Variants in LPIN2 observed in about 807,000 individuals in gnomAD.
The protein encoded by LPIN2 is lipin 2, also known as phosphatidate phosphatase LPIN2.
LPIN2 carries 55 observed loss-of-function variants against 111.4 expected under a neutral mutation model. The ratio of observed to expected loss-of-function variants is 0.49; its 90% confidence interval spans 0.40 to 0.62. The LOEUF (loss-of-function observed/expected upper bound fraction) is 0.62, where lower values mean the gene tolerates loss of function less well. Among genes scored for constraint, LPIN2 ranks in the 20% least tolerant of loss-of-function variants. The probability of loss-of-function intolerance (pLI) is 0.00; values close to 1 mark genes in which losing one functional copy is unlikely to be tolerated. For missense variants in LPIN2, 992 were observed against 1,112.1 expected, an observed-to-expected ratio of 0.89 and a Z score of 1.54; for synonymous variants, 425 against 414.0, an observed-to-expected ratio of 1.03 and a Z score of -0.32.
At chr18:2,980,782 G>T (rs1450305006) in intron 1 of LPIN2, among the ~76,000 whole-genome samples, 1 of 152,134 alleles carries the variant, frequency 6.6e-6, no homozygotes. Flanking sequence ...AACAAGAATG[G>T]TCAGGTGACC....
chr18:3,007,066 TC>T (rs200072055), intron 1 of LPIN2, among the ~76,000 whole-genome samples: 6,481 of 152,214 alleles, frequency 0.043, 450 homozygotes, highest in African/African-American at 0.15. Flanking sequence ...TATCTCTCTC[TC>T]AAGTAGTATT....
intron 1 of LPIN2, among the ~76,000 whole-genome samples, chr18:2,996,741 T>C (rs953480692): frequency 6.6e-6 from 1 of 152,068 alleles, no homozygotes; most frequent in African/African-American, 2.4e-5. Flanking sequence ...CCTTCCAAAG[T>C]GCTGGGATTA....
chr18:2,937,657 G>C, intron 7 of LPIN2, 35 bp downstream of exon 7: 1 of 1,526,748 alleles, frequency 6.5e-7, no homozygotes. Flanking sequence ...CATCTAATTT[G>C]AGAGTACCTG....
intron 4 of LPIN2, among the ~76,000 whole-genome samples, chr18:2,942,458 TCA>T (rs1406472847): frequency 6.6e-6 from 1 of 152,214 alleles, no homozygotes; most frequent in Non-Finnish European, 1.5e-5. Flanking sequence ...AATGTAAAAG[TCA>T]CACAAATTTC....
Position 2,918,663 on chromosome 18 carries a change from C to T in LPIN2, c.*1630G>A, listed in dbSNP as rs981451039. On this transcript the variant is annotated 3_prime_UTR_variant, in exon 20 of 20. Transcript: ENST00000677752. ...GAACATGAGCCTTCCTAGGTTTTGCCACTGAGAACTGTGTTTAGGGGATTT... is the reference window on the plus strand; with the variant it reads ...GAACATGAGCCTTCCTAGGTTTTGCTACTGAGAACTGTGTTTAGGGGATTT... The T allele has an allele frequency of 1.3e-5, 2 of 152,190 alleles. No individual in the cohort carries two copies. The highest frequency in any genetic ancestry group is 4.1e-4 in the South Asian group (2 of 4,828). The allele number at this position is 152,190 out of a possible 1,614,324, so 9.4% of individuals were successfully genotyped here. A position where few individuals can be genotyped will look rare whatever the true frequency, so the allele number is the denominator to read the frequency against.
intron 1 of LPIN2, among the ~76,000 whole-genome samples, chr18:2,995,144 A>G (rs2078322272): frequency 1.3e-5 from 2 of 151,618 alleles, no homozygotes; most frequent in Non-Finnish European, 2.9e-5. Flanking sequence ...AATAAATGCT[A>G]GTTTTCTTTT....
intron 1 of LPIN2, among the ~76,000 whole-genome samples, chr18:3,005,336 A>G (rs929219612): frequency 6.6e-6 from 1 of 151,726 alleles, no homozygotes; most frequent in Non-Finnish European, 1.5e-5. Flanking sequence ...TGGGTGACAG[A>G]GCAAGACTCC....
rs545457931 is a variant in LPIN2, at chr18:2,920,282, G to A, written c.*11C>T. On this transcript the variant is annotated 3_prime_UTR_variant, in exon 20 of 20. Transcript: ENST00000677752. ...GGGGACCAAGCCCTGCCCACCCACT[G>A]AGGTGCCGCCTCAAGACAGGTCATC... 4.3e-6 allele frequency: 7 copies of A among 1,614,084 alleles called. No homozygotes were observed. In the South Asian group the frequency reaches 5.5e-5, roughly 13 times the overall value.
At chr18:2,984,606 G>A (rs993509368) in intron 1 of LPIN2, among the ~76,000 whole-genome samples, 1 of 152,004 alleles carries the variant, frequency 6.6e-6, no homozygotes, top group South Asian at 2.1e-4. Flanking sequence ...AGTTAGAGGG[G>A]CAGAGGAAAT....
chr18:2,991,782 T>G (rs1388185380), intron 1 of LPIN2, among the ~76,000 whole-genome samples: 1 of 149,942 alleles, frequency 6.7e-6, no homozygotes, highest in Non-Finnish European at 1.5e-5. Context: ...GAGGGGGAGG[T>G]GGGTGGATCA....
chr18:2,936,329 C>T (rs975120633), intron 7 of LPIN2, among the ~76,000 whole-genome samples: 2 of 152,178 alleles, frequency 1.3e-5, no homozygotes, highest in African/African-American at 4.8e-5. Context: ...TATGTATGTT[C>T]TGACCCACTG....
chr18:2,938,700 G>T (rs185751740), intron 6 of LPIN2, among the ~76,000 whole-genome samples: 1 of 152,230 alleles, frequency 6.6e-6, no homozygotes, highest in African/African-American at 2.4e-5. Context: ...TGTAAAAGTG[G>T]CAAGTCTAAA....
Position 2,925,075 on chromosome 18 carries a change from G to A in LPIN2, c.1938+149C>T, listed in dbSNP as rs2077110162. ...GGCCTGATAGCTCTTGGGGGCGGCG[G>A]TCGTGGTTCCACTGTGGATAGGCAT... On this transcript the variant is annotated intron_variant, in intron 14 of 19. Coordinates refer to ENST00000677752, the MANE Select transcript of LPIN2 (RefSeq NM_001375808.2). This position sits in a 1 kb window ranked among gnomAD's most constrained non-coding sequence, Gnocchi z 4.1. 2 of 1,087,710 alleles carry A rather than the reference G, an allele frequency of 1.8e-6. No homozygotes were observed. Among genetic ancestry groups the A allele is most frequent in the Non-Finnish European group, 2.7e-6 (2 of 741,454 alleles). The allele number at this position is 1,087,710 out of a possible 1,614,324, so 67.4% of individuals were successfully genotyped here.
intron 1 of LPIN2, among the ~76,000 whole-genome samples, chr18:3,010,524 A>AT (rs1480651307): frequency 5.9e-5 from 9 of 152,198 alleles, no homozygotes; most frequent in African/African-American, 1.9e-4. Context: ...GAAAAACAGG[A>AT]TTTTAAAATG....
chr18:3,003,884 A>G (rs2078470815), intron 1 of LPIN2, among the ~76,000 whole-genome samples: 2 of 152,216 alleles, frequency 1.3e-5, no homozygotes, highest in African/African-American at 4.8e-5. Flanking sequence ...GAGAGCCTAT[A>G]AATGAACGTG....
chr18:2,968,487 A>T (rs138897799), intron 1 of LPIN2, among the ~76,000 whole-genome samples: 203 of 152,308 alleles, frequency 1.3e-3, no homozygotes, highest in Admixed American at 2.5e-3. Flanking sequence ...TTGGTTCTTG[A>T]AAGAGATATA....
chr18:2,975,533 C>T (rs191088001), intron 1 of LPIN2, among the ~76,000 whole-genome samples: 6 of 152,254 alleles, frequency 3.9e-5, no homozygotes, highest in African/African-American at 1.4e-4. Context: ...GGGGTTTCTC[C>T]ATGTTGGTCA....
chr18:3,012,149 C>A (rs556441049), intron 1 of LPIN2, among the ~76,000 whole-genome samples: 6 of 152,264 alleles, frequency 3.9e-5, no homozygotes, highest in Admixed American at 3.9e-4. Flanking sequence ...TCAACAGGAC[C>A]TACCTTGACA....
intron 8 of LPIN2, among the ~76,000 whole-genome samples, chr18:2,931,934 C>T (rs1795374635): frequency 6.6e-6 from 1 of 152,118 alleles, no homozygotes; most frequent in South Asian, 2.1e-4. Flanking sequence ...TTTCTAAGTT[C>T]GCCTATTACC....
Sources: allele counts gnomAD v4.1 joint callset (sites outside exome capture counted in the v4.1 genomes callset), GRCh38; gene constraint gnomAD v4.1.1; non-coding constraint Gnocchi (gnomAD v3.1); transcripts MANE v1.5; gene names NCBI Gene and HGNC (gene_info 2026-07-23, HGNC 2026-07-21).